The following EDIL3 variants were observed in gnomAD, a reference collection of about 807,000 sequenced individuals.
The protein encoded by EDIL3 is EGF like and discoidin domains 3, also known as EGF-like repeat and discoidin I-like domain-containing protein 3.
In EDIL3, 37 loss-of-function variants were observed where a neutral mutation model predicts 67.4. That is an observed-to-expected ratio of 0.55 (90% confidence interval 0.42 to 0.72). The LOEUF (loss-of-function observed/expected upper bound fraction) is 0.72, where lower values mean the gene tolerates loss of function less well. EDIL3 is among the 30% of genes least tolerant of loss of function. The probability of loss-of-function intolerance (pLI) is 0.00; values close to 1 mark genes in which losing one functional copy is unlikely to be tolerated. For synonymous variants in EDIL3, 195 were observed against 196.3 expected, an observed-to-expected ratio of 0.99 and a Z score of 0.05; for missense variants, 527 against 586.3, an observed-to-expected ratio of 0.90 and a Z score of 1.04.
At chr5:84,291,746 A>ATC (rs1745926397) in intron 1 of EDIL3, among the ~76,000 whole-genome samples, 2 of 140,980 alleles carry the variant, frequency 1.4e-5, no homozygotes, top group Non-Finnish European at 3.0e-5. Flanking sequence ...ATCTATATAG[A>ATC]TATATCTATA....
chr5:84,019,172 T>A (rs1745663988), intron 9 of EDIL3, among the ~76,000 whole-genome samples: 1 of 152,062 alleles, frequency 6.6e-6, no homozygotes, highest in Non-Finnish European at 1.5e-5. Flanking sequence ...TAGACTGGAT[T>A]AAGAAAATGT....
At position 84,106,812 on chromosome 5, in the gene EDIL3, C is replaced by G. The variant is rs751920044; in HGVS notation, c.488G>C (p.Gly163Ala). Residue 163 changes from glycine to alanine, a missense_variant, in exon 6 of 11, where the codon GGA becomes GCA. Transcript: ENST00000296591. ...NCQYKCSGPLGIEGGIISNQQ... is the reference protein window; with the variant it reads ...NCQYKCSGPLAIEGGIISNQQ... ...GTTTGATATAATTCCACCTTCAATT[C>G]CCAGTGGGCCTGAGCATTCTGGAAA... The G allele has an allele frequency of 6.2e-7, 1 of 1,606,624 alleles. No individual in the cohort carries two copies. Among genetic ancestry groups the G allele is most frequent in the Non-Finnish European group, 8.5e-7 (1 of 1,177,418 alleles).
Position 84,371,433 on chromosome 5 carries a change from GTATATA to G in EDIL3, c.67+12869_67+12874del, listed in dbSNP as rs71879324. The stretch of plus-strand genomic sequence containing the variant: ...TGTATATGTGTATATATATGTGTGT[GTATATA>G]TATATATATATAGAGAGAGAGAGAG... On this transcript the variant is annotated intron_variant, in intron 1 of 10. Coordinates refer to ENST00000296591, the MANE Select transcript of EDIL3 (RefSeq NM_005711.5). Among the ~76,000 whole-genome samples, 44 of 128,360 alleles carry G rather than the reference GTATATA, an allele frequency of 3.4e-4. 1 individual carries two copies. The highest frequency in any genetic ancestry group is 8.5e-4 in the African/African-American group (28 of 32,810). The allele number at this position is 128,360 out of a possible 152,430, so 84.2% of individuals were successfully genotyped here.
intron 4 of EDIL3, among the ~76,000 whole-genome samples, chr5:84,141,952 G>GATCGATCGATCTATCTATCTATCTATCT (rs71605902): frequency 9.2e-6 from 1 of 108,368 alleles, no homozygotes; most frequent in Non-Finnish European, 1.8e-5. Flanking sequence ...TATATACATA[G>GATCGATCGATCTATCTATCTATCTATCT]ATCTATCTAT....
At chr5:84,303,554 G>A (rs924328912) in intron 1 of EDIL3, among the ~76,000 whole-genome samples, 15 of 152,018 alleles carry the variant, frequency 9.9e-5, no homozygotes, top group Non-Finnish European at 2.2e-4. Context: ...GATTTCACGC[G>A]TACTAGTCTG....
At chr5:84,258,284 G>A (rs1745159022) in intron 1 of EDIL3, among the ~76,000 whole-genome samples, 1 of 152,156 alleles carries the variant, frequency 6.6e-6, no homozygotes, top group Non-Finnish European at 1.5e-5. Context: ...AAATGAGCAG[G>A]AAAAGCTTCA....
chr5:84,038,911 C>A (rs549593278), intron 9 of EDIL3, among the ~76,000 whole-genome samples: 1 of 152,174 alleles, frequency 6.6e-6, no homozygotes, highest in Non-Finnish European at 1.5e-5. Context: ...ACTCACATGG[C>A]ACTTAACATC....
intron 9 of EDIL3, among the ~76,000 whole-genome samples, chr5:84,048,810 A>G (rs891400046): frequency 6.6e-6 from 1 of 152,112 alleles, no homozygotes; most frequent in African/African-American, 2.4e-5. Flanking sequence ...GTTTTTAGTT[A>G]ATCCAAGTTA....
At chr5:84,251,087 G>A (rs917887291) in intron 2 of EDIL3, among the ~76,000 whole-genome samples, 35 of 151,884 alleles carry the variant, frequency 2.3e-4, no homozygotes, top group African/African-American at 8.2e-4. Context: ...AAAAGCCTTG[G>A]CCAAGCCATT....
intron 1 of EDIL3, among the ~76,000 whole-genome samples, chr5:84,320,774 AAAAC>A (rs1387533376): frequency 6.6e-6 from 1 of 152,132 alleles, no homozygotes; most frequent in African/African-American, 2.4e-5. Context: ...ATATAGGACT[AAAAC>A]AAACAAACAA....
At chr5:84,092,308 CA>C (rs557404858) in intron 6 of EDIL3, among the ~76,000 whole-genome samples, 97 of 152,182 alleles carry the variant, frequency 6.4e-4, no homozygotes, top group Admixed American at 1.0e-3. Context: ...ATTCATGAAA[CA>C]AATGGAAACC....
chr5:84,181,604 C>T (rs1356319171), intron 3 of EDIL3, among the ~76,000 whole-genome samples: 3 of 152,118 alleles, frequency 2.0e-5, no homozygotes, highest in East Asian at 3.9e-4. Flanking sequence ...CTCTCTCTCC[C>T]CTTTGTGCAT....
At chr5:84,232,296 A>T (rs1210073298) in intron 2 of EDIL3, among the ~76,000 whole-genome samples, 1 of 152,162 alleles carries the variant, frequency 6.6e-6, no homozygotes, top group African/African-American at 2.4e-5. Context: ...CTTTCAAGAA[A>T]TGGAGTTCTT....
In EDIL3 at chr5:83,973,415, G is replaced by A. The variant is rs147733394; in HGVS notation, c.1138-10055C>T. On this transcript the variant is annotated intron_variant, in intron 9 of 10. Transcript: ENST00000296591. ...AATTATCAGTAAATAATTTGCATGT[G>A]ATTTAGAAAACAATTACATACTTTT... Among the ~76,000 whole-genome samples, 142 of 152,168 alleles carry A rather than the reference G, an allele frequency of 9.3e-4. 2 individuals carry two copies. Among genetic ancestry groups the A allele is most frequent in the Admixed American group, 2.1e-3 (32 of 15,258 alleles).
intron 9 of EDIL3, among the ~76,000 whole-genome samples, chr5:84,018,799 C>T (rs1745653683): frequency 1.3e-5 from 2 of 152,142 alleles, no homozygotes; most frequent in South Asian, 4.1e-4. Context: ...AAAAAATGCT[C>T]ATCATCACTG....
intron 3 of EDIL3, among the ~76,000 whole-genome samples, chr5:84,187,196 AG>A (rs1410370362): frequency 1.3e-5 from 2 of 151,964 alleles, no homozygotes; most frequent in Non-Finnish European, 2.9e-5. Context: ...CATGCTTTCC[AG>A]GCATTTTTTA....
At chr5:84,035,038 T>C (rs1471771819) in intron 9 of EDIL3, among the ~76,000 whole-genome samples, 1 of 152,134 alleles carries the variant, frequency 6.6e-6, no homozygotes, top group Non-Finnish European at 1.5e-5. Flanking sequence ...ATACTGATGT[T>C]TTTTTAAAAT....
At chr5:84,249,612 TTTTA>T (rs1744983590) in intron 2 of EDIL3, among the ~76,000 whole-genome samples, 1 of 152,292 alleles carries the variant, frequency 6.6e-6, no homozygotes, top group African/African-American at 2.4e-5. Flanking sequence ...AAAACTAAGA[TTTTA>T]TTTGTTTAAA....
intron 9 of EDIL3, among the ~76,000 whole-genome samples, chr5:84,037,242 G>C (rs1016691052): frequency 6.6e-6 from 1 of 152,090 alleles, no homozygotes; most frequent in East Asian, 1.9e-4. Context: ...ACTATGATTG[G>C]ACCTGAAAGT....
Sources: allele counts gnomAD v4.1 joint callset (sites outside exome capture counted in the v4.1 genomes callset), GRCh38; gene constraint gnomAD v4.1.1; transcripts MANE v1.5; gene names NCBI Gene and HGNC (gene_info 2026-07-23, HGNC 2026-07-21).